Variants in ADCY5 observed in about 807,000 individuals in gnomAD.
ADCY5 encodes the protein adenylate cyclase type 5.
ADCY5 carries 30 observed loss-of-function variants against 119.7 expected under a neutral mutation model. The ratio of observed to expected loss-of-function variants is 0.25; its 90% CI spans 0.19 to 0.34. The LOEUF is 0.34. ADCY5 is among the 10% of genes least tolerant of loss of function. The pLI, the probability that ADCY5 is intolerant of heterozygous loss-of-function variation, is 1.00. For missense variants in ADCY5, 1,324 were observed against 1,775.2 expected (o/e 0.75, Z 4.57); for synonymous variants, 753 against 762.2 (o/e 0.99, Z 0.20).
At chr3:123,313,655 C>T (rs1940714554) in intron 12 of ADCY5, among the ~76,000 whole-genome samples, 2 of 152,164 alleles carry the variant, frequency 1.3e-5, no homozygotes, top group African/African-American at 4.8e-5. Context: ...GGACAGGGGA[C>T]ACAGCACACC....
intron 10 of ADCY5, among the ~76,000 whole-genome samples, chr3:123,319,419 G>A (rs1017947104): frequency 2.0e-5 from 3 of 151,298 alleles, no homozygotes; most frequent in African/African-American, 4.9e-5. Flanking sequence ...ATGACCCTAC[G>A]AAGTGGGAAT....
At chr3:123,345,439 G>A (rs150243265) in intron 3 of ADCY5, among the ~76,000 whole-genome samples, 1 of 152,334 alleles carries the variant, frequency 6.6e-6, no homozygotes, top group East Asian at 1.9e-4. Context: ...GCGGAGCTGA[G>A]AGCAATCAAG....
At chr3:123,420,832 G>C (rs748865715) in intron 1 of ADCY5, among the ~76,000 whole-genome samples, 1 of 152,158 alleles carries the variant, frequency 6.6e-6, no homozygotes, top group Non-Finnish European at 1.5e-5. Context: ...AAATCAAAAC[G>C]TTGGCAGAGT....
At chr3:123,376,022 G>C (rs2107544503) in intron 1 of ADCY5, among the ~76,000 whole-genome samples, 1 of 151,316 alleles carries the variant, frequency 6.6e-6, no homozygotes, top group Middle Eastern at 3.4e-3. Context: ...CATGTGTGCA[G>C]TAGCCCTGAA....
rs1938431426 is a variant in ADCY5, at chr3:123,282,386, A to G, written c.*2222T>C. On this transcript the variant is annotated 3_prime_UTR_variant, in exon 21 of 21. Transcript: ENST00000462833. ...TAATCGTATCTGTTTTTGCAAGAGTAGGAATAAAAAGAGTGCACACCCTTT... is the reference window on the plus strand; with the variant it reads ...TAATCGTATCTGTTTTTGCAAGAGTGGGAATAAAAAGAGTGCACACCCTTT... The G allele has an allele frequency of 6.6e-6, 1 of 152,284 alleles. No individual in the cohort carries two copies. The highest frequency in any genetic ancestry group is 2.1e-4 in the South Asian group (1 of 4,834). 9.4% of individuals were successfully genotyped at this position (152,284 alleles called of 1,614,324 possible).
Position 123,388,865 on chromosome 3 carries a change from G to A in ADCY5, c.1135-36284C>T, listed in dbSNP as rs1944315336. ...AGGCACATACGCTGAGAACTATCCT[G>A]TCAAGAGGGCCAGTGGGGAGTTGGA... On this transcript the variant is annotated intron_variant, in intron 1 of 20. Transcript: ENST00000462833. 2.0e-5 allele frequency among the ~76,000 whole-genome samples: 3 copies of A among 152,184 alleles called. No homozygotes were observed. The South Asian group carries it at 6.2e-4, about 32-fold the overall frequency.
chr3:123,285,581 G>A (rs978031333), intron 20 of ADCY5, among the ~76,000 whole-genome samples: 1 of 152,230 alleles, frequency 6.6e-6, no homozygotes. Context: ...CAGGCGGTAG[G>A]AGTGCTGGGT....
At chr3:123,306,339 T>G (rs1940198069) in intron 12 of ADCY5, among the ~76,000 whole-genome samples, 1 of 151,932 alleles carries the variant, frequency 6.6e-6, no homozygotes, top group Non-Finnish European at 1.5e-5. Flanking sequence ...ATGCAAAAAA[T>G]GAAGTTGGGT....
At chr3:123,303,317 G>C in intron 13 of ADCY5, 98 bp from the exon 14 acceptor site, 1 of 1,313,016 alleles carries the variant, frequency 7.6e-7, no homozygotes, top group Non-Finnish European at 1.1e-6. Context: ...CCTGTCCTCC[G>C]CCTCAGGTGC....
chr3:123,407,584 T>C, intron 1 of ADCY5, among the ~76,000 whole-genome samples: 1 of 102,070 alleles, frequency 9.8e-6, no homozygotes, highest in African/African-American at 3.8e-5. Flanking sequence ...AGACCCTATC[T>C]CTACTAAAAA....
chr3:123,352,084 G>T lies in ADCY5; in HGVS notation c.1284+348C>A, dbSNP rs865799157. Among the ~76,000 whole-genome samples, 1 of 152,176 alleles carries T rather than the reference G, an allele frequency of 6.6e-6. No individual in the cohort carries two copies. The highest frequency in any genetic ancestry group is 2.1e-4 in the South Asian group (1 of 4,828). ...GCTTCTCTCCTTACTCCAACTCAAG[G>T]CGGGGTGCAGTGCGGGGAGGGAGTG... On this transcript the variant is annotated intron_variant, in intron 2 of 20. Coordinates refer to ENST00000462833, the MANE Select transcript of ADCY5 (RefSeq NM_183357.3). The surrounding 1 kb of genome is among the most constrained non-coding windows in gnomAD (Gnocchi z 4.8).
At chr3:123,429,020 G>A (rs531050016) in intron 1 of ADCY5, among the ~76,000 whole-genome samples, 1 of 152,236 alleles carries the variant, frequency 6.6e-6, no homozygotes, top group Admixed American at 6.5e-5. Context: ...CTCATCTGAA[G>A]AAAAATAAAA....
At chr3:123,350,307 G>C (rs1942776145) in intron 2 of ADCY5, among the ~76,000 whole-genome samples, 1 of 152,198 alleles carries the variant, frequency 6.6e-6, no homozygotes, top group Non-Finnish European at 1.5e-5. Flanking sequence ...CCACAGCCCA[G>C]AGCCTTATGC....
intron 8 of ADCY5, among the ~76,000 whole-genome samples, chr3:123,321,690 T>A (rs536084434): frequency 6.6e-6 from 1 of 152,276 alleles, no homozygotes; most frequent in Non-Finnish European, 1.5e-5. Flanking sequence ...AAACACTGGG[T>A]GAACCCAAAA....
At chr3:123,384,841 C>T (rs186669352) in intron 1 of ADCY5, among the ~76,000 whole-genome samples, 236 of 152,256 alleles carry the variant, frequency 1.6e-3, no homozygotes, top group African/African-American at 5.3e-3. Flanking sequence ...CTGGAGCCAA[C>T]CTTTGTCCTA....
intron 1 of ADCY5, among the ~76,000 whole-genome samples, chr3:123,382,766 G>A (rs1275140768): frequency 6.6e-6 from 1 of 152,192 alleles, no homozygotes; most frequent in Non-Finnish European, 1.5e-5. Flanking sequence ...AGGAAGGAAT[G>A]GAGTTGGTGT....
chr3:123,361,381 C>T (rs543350032), intron 1 of ADCY5, among the ~76,000 whole-genome samples: 5 of 152,282 alleles, frequency 3.3e-5, no homozygotes, highest in East Asian at 1.9e-4. Flanking sequence ...AATTCAGTAG[C>T]GTTTAGTGTA....
intron 3 of ADCY5, among the ~76,000 whole-genome samples, chr3:123,347,289 A>G (rs1417697002): frequency 6.6e-6 from 1 of 152,192 alleles, no homozygotes. Flanking sequence ...CCATCTATCA[A>G]CCGGGTGTGT....
intron 12 of ADCY5, among the ~76,000 whole-genome samples, chr3:123,308,316 C>T (rs368220774): frequency 2.0e-4 from 30 of 151,016 alleles, no homozygotes; most frequent in African/African-American, 7.3e-4. Flanking sequence ...GGATTACAGG[C>T]GTGAGCCACT....
Sources: allele counts gnomAD v4.1 joint callset (sites outside exome capture counted in the v4.1 genomes callset), GRCh38; gene constraint gnomAD v4.1.1; non-coding constraint Gnocchi (gnomAD v3.1); transcripts MANE v1.5; gene names NCBI Gene and HGNC (gene_info 2026-07-23, HGNC 2026-07-21).